XKR9: variants seen among roughly 807,000 people sequenced by gnomAD.
The protein encoded by XKR9 is XK related 9.
Under a neutral mutation model 32.0 loss-of-function variants are expected in XKR9, and 32 were observed. The observed-to-expected ratio is 1.00, with a 90% CI of 0.76 to 1.34. XKR9 has a LOEUF of 1.34. XKR9 is among the 40% of genes most tolerant of loss of function. The pLI is 0.00. For missense variants in XKR9, 546 were observed against 429.7 expected (o/e 1.27, Z -2.39); for synonymous variants, 168 against 143.4 (o/e 1.17, Z -1.22).
At chr8:70,797,272 G>A in the XKR9 span, among the ~76,000 whole-genome samples, 1 of 152,084 alleles carries the variant, frequency 6.6e-6, no homozygotes, top group African/African-American at 2.4e-5. Context: ...GGTGTCACCT[G>A]GCTGAGAGTA....
intron 3 of XKR9, among the ~76,000 whole-genome samples, chr8:70,696,382 A>G (rs376544435): frequency 1.1e-4 from 16 of 151,996 alleles, no homozygotes; most frequent in Admixed American, 2.6e-4. Flanking sequence ...AAGGGATCCA[A>G]TTTCAGCTTT....
intron 3 of XKR9, among the ~76,000 whole-genome samples, chr8:70,693,415 A>C (rs550992960): frequency 6.6e-6 from 1 of 152,062 alleles, no homozygotes; most frequent in Non-Finnish European, 1.5e-5. Context: ...TGGCTTCCCT[A>C]TGTTTCCTCA....
downstream of XKR9, among the ~76,000 whole-genome samples, chr8:70,740,528 G>T (rs1806952839): frequency 6.6e-6 from 1 of 152,170 alleles, no homozygotes; most frequent in South Asian, 2.1e-4. Context: ...CGTTCCTTTG[G>T]AGGAGAGGTG....
intron 4 of XKR9, among the ~76,000 whole-genome samples, chr8:70,714,792 C>T (rs946232909): frequency 6.6e-6 from 1 of 151,974 alleles, no homozygotes; most frequent in African/African-American, 2.4e-5. Flanking sequence ...CTATTTTCTT[C>T]ACTGATGTCA....
intron 4 of XKR9, among the ~76,000 whole-genome samples, chr8:70,724,154 T>C (rs1806378876): frequency 6.6e-6 from 1 of 152,148 alleles, no homozygotes; most frequent in African/African-American, 2.4e-5. Context: ...TTCTGCCCAG[T>C]CTGAACTTCT....
chr8:70,870,616 C>T, the XKR9 span, among the ~76,000 whole-genome samples: 5 of 152,260 alleles, frequency 3.3e-5, no homozygotes, highest in African/African-American at 2.4e-5. Context: ...AAAGACCAAT[C>T]GCATCTTGAT....
intron 3 of XKR9, among the ~76,000 whole-genome samples, chr8:70,696,117 T>TA (rs1805266062): frequency 6.6e-6 from 1 of 151,778 alleles, no homozygotes; most frequent in Non-Finnish European, 1.5e-5. Flanking sequence ...AAAAATTTTC[T>TA]CCCATTTTGT....
chr8:70,998,464 C>T, the XKR9 span, among the ~76,000 whole-genome samples: 1 of 152,180 alleles, frequency 6.6e-6, no homozygotes, highest in Non-Finnish European at 1.5e-5. Context: ...ATAATGTTTT[C>T]TGTCTGAAAT....
chr8:71,051,662 G>A, the XKR9 span, among the ~76,000 whole-genome samples: 1,277 of 152,196 alleles, frequency 8.4e-3, 10 homozygotes, highest in Admixed American at 0.015. Context: ...ACATTAATGT[G>A]AAATATTGTA....
chr8:70,876,018 A>G, the XKR9 span, among the ~76,000 whole-genome samples: 1 of 152,174 alleles, frequency 6.6e-6, no homozygotes, highest in Non-Finnish European at 1.5e-5. Context: ...CAATTCAAAC[A>G]TAATATAAAG....
the XKR9 span, among the ~76,000 whole-genome samples, chr8:70,923,713 A>T: frequency 6.6e-6 from 1 of 152,254 alleles, no homozygotes; most frequent in Admixed American, 6.5e-5. Context: ...GGGCACTTTT[A>T]GTGTCTGGCT....
At chr8:70,785,963 A>G (rs1274235747) in intron 2 of XKR9, among the ~76,000 whole-genome samples, 1 of 151,970 alleles carries the variant, frequency 6.6e-6, no homozygotes, top group Non-Finnish European at 1.5e-5. Flanking sequence ...TGCTGGGATT[A>G]CAGGTGTGAG....
the XKR9 span, among the ~76,000 whole-genome samples, chr8:70,987,559 G>C: frequency 6.6e-6 from 1 of 152,180 alleles, no homozygotes; most frequent in East Asian, 1.9e-4. Flanking sequence ...CACAGCCTTG[G>C]GCACCTCTGC....
the XKR9 span, among the ~76,000 whole-genome samples, chr8:70,951,696 T>G: frequency 1.1e-3 from 160 of 152,310 alleles, 1 homozygote; most frequent in Middle Eastern, 6.8e-3. Flanking sequence ...GGGCAGATAC[T>G]TAAAAGGCCA....
the XKR9 span, among the ~76,000 whole-genome samples, chr8:70,864,466 C>T: frequency 2.6e-5 from 4 of 152,152 alleles, no homozygotes; most frequent in African/African-American, 7.2e-5. Context: ...TCCCTGCCTA[C>T]CTTTTTCTTT....
intron 3 of XKR9, among the ~76,000 whole-genome samples, chr8:70,684,967 C>A (rs1819211283): frequency 6.9e-6 from 1 of 145,910 alleles, no homozygotes; most frequent in Non-Finnish European, 1.5e-5. Flanking sequence ...ACTAGAAATA[C>A]CATTTGACCC....
chr8:70,962,512 C>T, the XKR9 span, among the ~76,000 whole-genome samples: 1 of 152,194 alleles, frequency 6.6e-6, no homozygotes, highest in Non-Finnish European at 1.5e-5. Flanking sequence ...TCTCCAACTG[C>T]ATTCACGCTG....
chr8:70,898,454 G>A, the XKR9 span, among the ~76,000 whole-genome samples: 1 of 152,106 alleles, frequency 6.6e-6, no homozygotes, highest in Admixed American at 6.6e-5. Flanking sequence ...TTTCTGTGAC[G>A]AATGTCTTTG....
chr8:70,726,012 C>T (rs1806457374), intron 4 of XKR9, among the ~76,000 whole-genome samples: 1 of 152,150 alleles, frequency 6.6e-6, no homozygotes, highest in Non-Finnish European at 1.5e-5. Context: ...CCCAGATAAA[C>T]TCAATCTAAC....
Sources: gnomAD v4.1 joint callset for allele counts (sites outside exome capture counted in the v4.1 genomes callset) on GRCh38, gnomAD v4.1.1 for gene constraint, MANE v1.5 for transcripts, NCBI Gene and HGNC (gene_info 2026-07-23, HGNC 2026-07-21) for gene names.